The following ASZ1 variants were observed in gnomAD, a reference collection of about 807,000 sequenced individuals.
ASZ1 encodes the protein ankyrin repeat, SAM and basic leucine zipper domain-containing protein 1.
A neutral mutation model predicts 61.8 loss-of-function variants in ASZ1; 67 were observed. The ratio of observed to expected loss-of-function variants is 1.08; its 90% confidence interval spans 0.89 to 1.33. The LOEUF (loss-of-function observed/expected upper bound fraction) is 1.33. Ranked by LOEUF, ASZ1 falls within the 40% of genes most tolerant of loss-of-function variation. The pLI, the probability that ASZ1 is intolerant of heterozygous loss-of-function variation, is 0.00. For missense variants in ASZ1, 577 were observed against 554.5 expected, an observed-to-expected ratio of 1.04 and a Z score of -0.41; for synonymous variants, 193 against 192.7, an observed-to-expected ratio of 1.00 and a Z score of -0.01.
intron 10 of ASZ1, among the ~76,000 whole-genome samples, chr7:117,370,229 G>A (rs934365108): frequency 3.3e-5 from 5 of 152,036 alleles, no homozygotes; most frequent in Admixed American, 2.6e-4. Context: ...CTTCAATTGC[G>A]AAGGTAGCAC....
chr7:117,395,097 A>G (rs1796552395), intron 4 of ASZ1, among the ~76,000 whole-genome samples: 1 of 152,250 alleles, frequency 6.6e-6, no homozygotes, highest in Non-Finnish European at 1.5e-5. Flanking sequence ...AAAGGCCTCC[A>G]AACACAGAAG....
chr7:117,420,404 A>G (rs1797079182), intron 3 of ASZ1, 130 bp from the exon 4 acceptor site: 1 of 556,202 alleles, frequency 1.8e-6, no homozygotes, highest in South Asian at 3.2e-5. Flanking sequence ...TCTCACTCTT[A>G]GCAGGTAACT....
At chr7:117,392,560 A>G (rs1796491776) in intron 4 of ASZ1, among the ~76,000 whole-genome samples, 1 of 152,140 alleles carries the variant, frequency 6.6e-6, no homozygotes. Flanking sequence ...AGACTTTACT[A>G]AAGTTATTTA....
chr7:117,382,452 G>A (rs1021968473), intron 7 of ASZ1, among the ~76,000 whole-genome samples: 2 of 151,994 alleles, frequency 1.3e-5, no homozygotes, highest in African/African-American at 4.8e-5. Context: ...CAGCTACTTG[G>A]GAGGCTGTGG....
intron 2 of ASZ1, among the ~76,000 whole-genome samples, chr7:117,425,642 A>G (rs1366916498): frequency 6.6e-6 from 1 of 151,920 alleles, no homozygotes; most frequent in Non-Finnish European, 1.5e-5. Context: ...TTTATTTAAT[A>G]CACAAAAAAT....
At chr7:117,379,133 TTATATATATATATATATATATA>T (rs370500034) in intron 10 of ASZ1, among the ~76,000 whole-genome samples, 12 of 104,690 alleles carry the variant, frequency 1.1e-4, no homozygotes, top group East Asian at 3.7e-4. Context: ...TGTGATAAAA[TTATATATATATATATATATATA>T]TATATATATA....
intron 10 of ASZ1, 41 bp downstream of exon 10, chr7:117,379,897 C>G: frequency 7.7e-7 from 1 of 1,296,616 alleles, no homozygotes; most frequent in South Asian, 1.3e-5. Flanking sequence ...ACAATTGGTT[C>G]TTAACACTAT....
intron 5 of ASZ1, among the ~76,000 whole-genome samples, chr7:117,385,227 C>T (rs748256229): frequency 2.0e-5 from 3 of 151,650 alleles, no homozygotes; most frequent in Non-Finnish European, 2.9e-5. Flanking sequence ...GTAAGGACTA[C>T]GAGAGTCAGT....
chr7:117,407,627 A>G (rs1796811231), intron 4 of ASZ1, among the ~76,000 whole-genome samples: 1 of 152,222 alleles, frequency 6.6e-6, no homozygotes, highest in Non-Finnish European at 1.5e-5. Flanking sequence ...AATATACTCA[A>G]TAAAAGTTAT....
rs369660069 is a variant in ASZ1, at chr7:117,366,248, A to C, written c.1275+1104T>G. 3.0e-4 allele frequency among the ~76,000 whole-genome samples: 46 copies of C among 152,106 alleles called. No homozygotes were observed. The South Asian group carries it at 9.6e-3, about 32-fold the overall frequency. ...CACTGCACTCCAGCCTGGGCAATGG[A>C]GTGAGACTCAGTATCAAAAAAGAAA... On this transcript the variant is annotated intron_variant, in intron 12 of 12. Transcript: ENST00000284629.
intron 4 of ASZ1, among the ~76,000 whole-genome samples, chr7:117,409,049 C>T (rs907966120): frequency 2.0e-5 from 3 of 151,836 alleles, no homozygotes; most frequent in South Asian, 4.1e-4. Flanking sequence ...TATATACACA[C>T]GCACAGATGG....
intron 4 of ASZ1, among the ~76,000 whole-genome samples, chr7:117,405,028 G>T (rs553396250): frequency 6.6e-6 from 1 of 152,196 alleles, no homozygotes; most frequent in African/African-American, 2.4e-5. Context: ...CCCTCTTTCA[G>T]GCAGGGCAAG....
intron 4 of ASZ1, among the ~76,000 whole-genome samples, chr7:117,400,858 C>T (rs568611924): frequency 6.6e-6 from 1 of 152,272 alleles, no homozygotes; most frequent in African/African-American, 2.4e-5. Context: ...AGGAAATAAA[C>T]TGATCCTGAA....
At chr7:117,425,900 GA>G (rs1244581432) in intron 2 of ASZ1, among the ~76,000 whole-genome samples, 5 of 152,016 alleles carry the variant, frequency 3.3e-5, no homozygotes, top group Non-Finnish European at 7.4e-5. Context: ...TGAGGTGGGA[GA>G]ATCACTTGAA....
chr7:117,377,593 G>T (rs1796160599), intron 10 of ASZ1, among the ~76,000 whole-genome samples: 1 of 151,996 alleles, frequency 6.6e-6, no homozygotes, highest in Non-Finnish European at 1.5e-5. Flanking sequence ...TGAATTAGTA[G>T]AATTAACATA....
Position 117,426,829 on chromosome 7 carries a change from C to G in ASZ1, c.205+7G>C, listed in dbSNP as rs370705613. 1.5e-5 allele frequency: 24 copies of G among 1,592,344 alleles called. No individual in the cohort carries two copies. Among genetic ancestry groups the G allele is most frequent in the Non-Finnish European group, 2.0e-5 (24 of 1,172,914 alleles). On this transcript the variant is annotated splice_region_variant and intron_variant, in intron 2 of 12. Transcript: ENST00000284629. ...GTGTTCAGATGAAACTGTCCCTTAT[C>G]TCTCACCAGAATCTAGGAGCTCCTG...
At chr7:117,423,688 AC>A (rs1266950074) in intron 2 of ASZ1, among the ~76,000 whole-genome samples, 216 of 117,096 alleles carry the variant, frequency 1.8e-3, no homozygotes, top group African/African-American at 7.0e-3. Flanking sequence ...TACTAAAAAT[AC>A]AAAAAAAAAA....
chr7:117,412,510 A>G (rs560671043), intron 4 of ASZ1, among the ~76,000 whole-genome samples: 7 of 151,924 alleles, frequency 4.6e-5, no homozygotes, highest in Non-Finnish European at 8.8e-5. Context: ...AACTAAATTT[A>G]TGTTCTGAGA....
intron 10 of ASZ1, among the ~76,000 whole-genome samples, chr7:117,373,316 C>T (rs1245611913): frequency 3.3e-5 from 5 of 152,068 alleles, no homozygotes; most frequent in African/African-American, 1.2e-4. Flanking sequence ...TCAAGTTATC[C>T]TCCTGCCTCA....
Sources: gnomAD v4.1 joint callset for allele counts (sites outside exome capture counted in the v4.1 genomes callset) on GRCh38, gnomAD v4.1.1 for gene constraint, MANE v1.5 for transcripts, NCBI Gene and HGNC (gene_info 2026-07-23, HGNC 2026-07-21) for gene names.